The following ACSM3 variants were observed in gnomAD, a reference collection of about 807,000 sequenced individuals.
ACSM3 encodes the protein acyl-coenzyme A synthetase ACSM3, mitochondrial.
ACSM3 carries 61 observed loss-of-function variants against 74.1 expected under a neutral mutation model. The ratio of observed to expected loss-of-function variants is 0.82; its 90% CI spans 0.67 to 1.02. The LOEUF (loss-of-function observed/expected upper bound fraction) is 1.02, where lower values mean the gene tolerates loss of function less well. Ranked by LOEUF, ACSM3 falls within the 50% of genes least tolerant of loss-of-function variation. The pLI, the probability that ACSM3 is intolerant of heterozygous loss-of-function variation, is 0.00. For synonymous variants in ACSM3, 213 were observed against 241.5 expected (o/e 0.88, Z 1.09); for missense variants, 660 against 697.0 (o/e 0.95, Z 0.60).
At chr16:20,745,233 T>C (rs1006776330) in intron 1 of ACSM3, among the ~76,000 whole-genome samples, 1 of 152,176 alleles carries the variant, frequency 6.6e-6, no homozygotes, top group Non-Finnish European at 1.5e-5. Flanking sequence ...ACATGGACAA[T>C]GGCCCAGTGT....
Position 20,790,876 on chromosome 16 carries a change from C to A in ACSM3, c.1326+188C>A. On this transcript the variant is annotated intron_variant, in intron 10 of 13. Coordinates refer to ENST00000289416, the MANE Select transcript of ACSM3 (RefSeq NM_005622.4). This position sits in a 1 kb window ranked among gnomAD's most constrained non-coding sequence, Gnocchi z 4.0. The stretch of plus-strand genomic sequence containing the variant: ...CAAATTCTTGCTGAAGAAAAGCATG[C>A]TGGTCCCCTGAGGCCAGATCACTGT... 1 of 1,614,020 alleles carries A rather than the reference C, an allele frequency of 6.2e-7. No individual in the cohort carries two copies. The highest frequency in any genetic ancestry group is 1.1e-5 in the South Asian group (1 of 91,078).
intron 1 of ACSM3, chr16:20,690,911 T>G: frequency 2.2e-6 from 3 of 1,355,120 alleles, no homozygotes; most frequent in Non-Finnish European, 2.0e-6. Context: ...GTAACTTTGG[T>G]TCCATACCTT....
At chr16:20,739,148 GT>G in intron 1 of ACSM3, 2 of 1,431,496 alleles carry the variant, frequency 1.4e-6, no homozygotes, top group Non-Finnish European at 1.9e-6. Flanking sequence ...TTTATGTGAA[GT>G]CCCTGGCGGC....
chr16:20,782,613 G>A (rs2080377485), intron 7 of ACSM3, among the ~76,000 whole-genome samples: 1 of 152,122 alleles, frequency 6.6e-6, no homozygotes, highest in African/African-American at 2.4e-5. Context: ...TCTCCGTGGA[G>A]GCAGCATCAT....
rs145282601 is a variant in ACSM3 at position 20,780,774 on chromosome 16, C to G, written c.699C>G (p.Phe233Leu). The change falls in exon 5 of 14, where the codon TTC (phenylalanine) becomes TTG (leucine). Residue 233 changes from phenylalanine to leucine, a missense_variant. Coordinates refer to ENST00000289416, the MANE Select transcript of ACSM3 (RefSeq NM_005622.4). ...AACACAATGAGATCATGGCCATATT[C>G]TTTACCAGTGGAACAAGTGGATATC... ...KTKHNEIMAIFFTSGTSGYPK... is the reference protein window; with the variant it reads ...KTKHNEIMAILFTSGTSGYPK... 29 of 1,614,094 alleles carry G rather than the reference C, an allele frequency of 1.8e-5. No individual in the cohort carries two copies. The African/African-American group carries it at 3.6e-4, about 20-fold the overall frequency.
chr16:20,772,595 G>A (rs977279791), intron 2 of ACSM3, among the ~76,000 whole-genome samples: 7 of 152,064 alleles, frequency 4.6e-5, no homozygotes, highest in South Asian at 2.1e-4. Context: ...ACTTTTCCTC[G>A]GACCATGTAC....
chr16:20,794,013 A>AG (rs1268815849), intron 12 of ACSM3, among the ~76,000 whole-genome samples: 1 of 152,100 alleles, frequency 6.6e-6, no homozygotes, highest in Non-Finnish European at 1.5e-5. Flanking sequence ...AGTCAGAGTG[A>AG]GGGGGAAAGT....
chr16:20,702,898 C>T (rs2079717386), intron 1 of ACSM3: 1 of 152,246 alleles, frequency 6.6e-6, no homozygotes, highest in Admixed American at 6.5e-5. Flanking sequence ...ACGCCTGTGT[C>T]CTGAATGGCA....
intron 1 of ACSM3, among the ~76,000 whole-genome samples, chr16:20,708,073 G>C (rs1259420905): frequency 6.6e-6 from 1 of 152,210 alleles, no homozygotes; most frequent in African/African-American, 2.4e-5. Context: ...GGCCAAGGCG[G>C]GTGGATCACT....
chr16:20,686,875 T>C (rs976050695), intron 1 of ACSM3, among the ~76,000 whole-genome samples: 10 of 151,916 alleles, frequency 6.6e-5, no homozygotes, highest in Non-Finnish European at 1.3e-4. Flanking sequence ...CAGTAGTATA[T>C]GTACAAGAAG....
At position 20,743,889 on chromosome 16, in the gene ACSM3, A is replaced by G. The variant is rs552280923; in HGVS notation, c.-189-6021A>G. 12 of 152,330 alleles carry G rather than the reference A, an allele frequency of 7.9e-5. No homozygotes were observed. In the East Asian group the frequency reaches 2.3e-3, roughly 29 times the overall value. 9.4% of individuals were successfully genotyped at this position (152,330 alleles called of 1,614,324 possible). A position where few individuals can be genotyped will look rare whatever the true frequency, so the allele number is the denominator to read the frequency against. On this transcript the variant is annotated intron_variant, in intron 1 of 3. Coordinates refer to the ACSM3 transcript ENST00000561584. Reference sequence around the variant, plus strand: ...ATCAAATATTAGCATACAGATAACAAGTTAAAATATATATATTTCAAGTCC... The same window carrying G: ...ATCAAATATTAGCATACAGATAACAGGTTAAAATATATATATTTCAAGTCC...
chr16:20,783,315 AT>A (rs2080394066), intron 7 of ACSM3: 3 of 152,214 alleles, frequency 2.0e-5, no homozygotes, highest in Admixed American at 2.0e-4. Context: ...GGAACCCAGG[AT>A]GAAGACTCAG....
At chr16:20,735,226 C>T (rs965891591) in intron 1 of ACSM3, 11 of 152,206 alleles carry the variant, frequency 7.2e-5, no homozygotes, top group African/African-American at 2.4e-4. Context: ...CCAAAGCACT[C>T]AGCAAAAGCT....
At chr16:20,765,307 GA>G (rs2080113983) in intron 1 of ACSM3, among the ~76,000 whole-genome samples, 2 of 152,200 alleles carry the variant, frequency 1.3e-5, no homozygotes, top group South Asian at 4.1e-4. Context: ...TAAGATCGAT[GA>G]AAAGGGAGGA....
intron 1 of ACSM3, chr16:20,691,174 C>G: frequency 6.3e-7 from 1 of 1,592,420 alleles, no homozygotes; most frequent in Non-Finnish European, 8.5e-7. Flanking sequence ...TCCGGAACCT[C>G]ATTAGCCACT....
At chr16:20,785,484 T>C (rs1233365057) in intron 8 of ACSM3, among the ~76,000 whole-genome samples, 2 of 152,104 alleles carry the variant, frequency 1.3e-5, no homozygotes, top group Non-Finnish European at 2.9e-5. Flanking sequence ...AAGAGTTTGC[T>C]GGACAACTCC....
chr16:20,754,993 G>A (rs1051883555), intron 2 of ACSM3, among the ~76,000 whole-genome samples: 1 of 152,112 alleles, frequency 6.6e-6, no homozygotes, highest in Non-Finnish European at 1.5e-5. Context: ...GGGATGGTGT[G>A]AGAGAAGGCC....
chr16:20,726,752 T>C (rs972121898), intron 1 of ACSM3, among the ~76,000 whole-genome samples: 1 of 152,218 alleles, frequency 6.6e-6, no homozygotes, highest in Non-Finnish European at 1.5e-5. Context: ...CAACTCCATC[T>C]ATAAGAGAGG....
chr16:20,770,359 C>T, intron 2 of ACSM3, 106 bp downstream of exon 2: 1 of 966,540 alleles, frequency 1.0e-6, no homozygotes, highest in Non-Finnish European at 1.6e-6. Flanking sequence ...ATGATAGGGG[C>T]AGAGGCAGTT....
Sources: allele counts gnomAD v4.1 joint callset (sites outside exome capture counted in the v4.1 genomes callset), GRCh38; gene constraint gnomAD v4.1.1; non-coding constraint Gnocchi (gnomAD v3.1); transcripts MANE v1.5; gene names NCBI Gene and HGNC (gene_info 2026-07-23, HGNC 2026-07-21).